PARN: variants seen among roughly 807,000 people sequenced by gnomAD.
PARN encodes poly(A)-specific ribonuclease PARN.
A neutral mutation model predicts 102.8 loss-of-function variants in PARN; 71 were observed. The ratio of observed to expected loss-of-function variants is 0.69; its 90% confidence interval spans 0.57 to 0.84. The LOEUF (loss-of-function observed/expected upper bound fraction) is 0.84. PARN is among the 40% of genes least tolerant of loss of function. The pLI, the probability that PARN is intolerant of heterozygous loss-of-function variation, is 0.00. For missense variants in PARN, 782 were observed against 760.9 expected (o/e 1.03, Z -0.33); for synonymous variants, 261 against 252.9 (o/e 1.03, Z -0.30).
rs529674931 is a variant in PARN, at chr16:14,609,365, CG to C, written c.555-243del. 1.0e-3 allele frequency among the ~76,000 whole-genome samples: 156 copies of C among 152,040 alleles called. 1 individual carries two copies. The highest frequency in any genetic ancestry group is 3.4e-3 in the African/African-American group (143 of 41,464). ...TGGATCACTTGAGCCCAGGAGTTCG[CG>C]ACCAGCCTGGGCAATATACTGAGAG... On this transcript the variant is annotated intron_variant, in intron 7 of 23. Coordinates refer to ENST00000437198, the MANE Select transcript of PARN (RefSeq NM_002582.4).
At chr16:14,495,685 C>T (rs978822475) in intron 21 of PARN, among the ~76,000 whole-genome samples, 2 of 152,128 alleles carry the variant, frequency 1.3e-5, no homozygotes, top group Non-Finnish European at 1.5e-5. Flanking sequence ...GGAGAAGAGG[C>T]GAGCTGGGGT....
At chr16:14,583,183 A>G (rs1241346543) in intron 16 of PARN, among the ~76,000 whole-genome samples, 1 of 152,234 alleles carries the variant, frequency 6.6e-6, no homozygotes, top group Admixed American at 6.5e-5. Flanking sequence ...CTATAAGAGG[A>G]ATGACCTGCT....
chr16:14,473,269 A>G (rs995062536), intron 22 of PARN, among the ~76,000 whole-genome samples: 8 of 152,248 alleles, frequency 5.3e-5, no homozygotes, highest in African/African-American at 1.9e-4. Context: ...ACGAATTTTT[A>G]AAAATTATGT....
At chr16:14,630,004 C>G in intron 1 of PARN, 103 bp downstream of exon 1, 2 of 1,064,436 alleles carry the variant, frequency 1.9e-6, no homozygotes, top group Non-Finnish European at 2.8e-6. Flanking sequence ...TGAGGGGCTG[C>G]CTCAGCCCCA....
intron 5 of PARN, among the ~76,000 whole-genome samples, chr16:14,619,513 C>T (rs1182609156): frequency 6.6e-6 from 1 of 151,600 alleles, no homozygotes; most frequent in South Asian, 2.1e-4. Context: ...ACCTGTAATC[C>T]CAGCACTTTA....
rs1028290918 is a variant in PARN at position 14,573,225 on chromosome 16, A to G, written c.1262+7649T>C. Among the ~76,000 whole-genome samples, 3 of 152,206 alleles carry G rather than the reference A, an allele frequency of 2.0e-5. No individual in the cohort carries two copies. The East Asian group carries it at 5.8e-4, about 29-fold the overall frequency. On this transcript the variant is annotated intron_variant, in intron 18 of 23. Coordinates refer to ENST00000437198, the MANE Select transcript of PARN (RefSeq NM_002582.4). The stretch of plus-strand genomic sequence containing the variant: ...TAACAACTAAAAATTGTATATATTG[A>G]TATGTACAACATGTTTTGAAATATG...
chr16:14,598,697 G>A (rs1159651655), intron 12 of PARN, among the ~76,000 whole-genome samples: 4 of 152,244 alleles, frequency 2.6e-5, no homozygotes, highest in East Asian at 1.9e-4. Context: ...AGAAGTCCTC[G>A]TGAGCCAACC....
At chr16:14,528,087 A>G (rs1966105699) in intron 21 of PARN, among the ~76,000 whole-genome samples, 1 of 152,238 alleles carries the variant, frequency 6.6e-6, no homozygotes, top group African/African-American at 2.4e-5. Context: ...GACTGACTGT[A>G]TTTTTAAAAC....
At chr16:14,617,315 C>G (rs976528922) in intron 6 of PARN, among the ~76,000 whole-genome samples, 4 of 137,984 alleles carry the variant, frequency 2.9e-5, no homozygotes, top group African/African-American at 1.1e-4. Context: ...AACTGGGAGG[C>G]AGAGCTTGCA....
intron 19 of PARN, 25 bp downstream of exon 19, chr16:14,555,629 A>G (rs1261821909): frequency 6.3e-6 from 7 of 1,119,484 alleles, no homozygotes; most frequent in Non-Finnish European, 9.1e-6. Context: ...GCACAGATGC[A>G]ATAAGAAAAT....
intron 18 of PARN, among the ~76,000 whole-genome samples, chr16:14,565,740 T>C (rs1968389534): frequency 6.6e-6 from 1 of 152,224 alleles, no homozygotes; most frequent in African/African-American, 2.4e-5. Flanking sequence ...CTGTGTGCTA[T>C]GGAAGAAGAA....
At chr16:14,629,501 G>A (rs1003104527) in intron 2 of PARN, 96 bp downstream of exon 2, 22 of 891,746 alleles carry the variant, frequency 2.5e-5, no homozygotes, top group Non-Finnish European at 4.1e-5. Flanking sequence ...ACAGCAAGAG[G>A]CCACCACCAA....
intron 5 of PARN, among the ~76,000 whole-genome samples, chr16:14,618,656 CAAAAAAAAAA>C (rs1181174251): frequency 3.4e-5 from 3 of 88,410 alleles, no homozygotes; most frequent in Non-Finnish European, 7.1e-5. Context: ...AAGACTGTCT[CAAAAAAAAAA>C]AAAAAAAATA....
chr16:14,437,147 C>G (rs1418465531), intron 23 of PARN, among the ~76,000 whole-genome samples: 2 of 152,146 alleles, frequency 1.3e-5, no homozygotes, highest in African/African-American at 4.8e-5. Flanking sequence ...AAAAGCCCAC[C>G]AAGGTGGTAA....
At chr16:14,451,867 T>TAAAAAAAAA (rs1567287329) in intron 22 of PARN, among the ~76,000 whole-genome samples, 27 of 23,766 alleles carry the variant, frequency 1.1e-3, no homozygotes, top group South Asian at 3.1e-3. Flanking sequence ...AAAAAAAAAA[T>TAAAAAAAAA]ACAAAAAAAA....
intron 7 of PARN, among the ~76,000 whole-genome samples, chr16:14,610,391 T>C (rs540176514): frequency 9.6e-4 from 144 of 150,570 alleles, no homozygotes; most frequent in Non-Finnish European, 1.6e-3. Context: ...AAGAATTGCT[T>C]GAACCTAGGA....
At chr16:14,522,439 T>C (rs185074831) in intron 21 of PARN, among the ~76,000 whole-genome samples, 28 of 151,734 alleles carry the variant, frequency 1.8e-4, no homozygotes, top group African/African-American at 4.4e-4. Context: ...ACCTGGGAGG[T>C]TGACGCAGGA....
At chr16:14,615,900 CAAA>C (rs755459165) in intron 6 of PARN, among the ~76,000 whole-genome samples, 2 of 84,372 alleles carry the variant, frequency 2.4e-5, no homozygotes, top group Admixed American at 1.3e-4. Context: ...GATTCTGTCT[CAAA>C]AAAAAAAAAA....
At chr16:14,576,824 G>C (rs1478335544) in intron 18 of PARN, among the ~76,000 whole-genome samples, 1 of 152,156 alleles carries the variant, frequency 6.6e-6, no homozygotes, top group Non-Finnish European at 1.5e-5. Context: ...CCATGAAAAA[G>C]ACAAAATGGC....
Sources: allele counts gnomAD v4.1 joint callset (sites outside exome capture counted in the v4.1 genomes callset), GRCh38; gene constraint gnomAD v4.1.1; transcripts MANE v1.5; gene names NCBI Gene and HGNC (gene_info 2026-07-23, HGNC 2026-07-21).